Variants in PER2 observed in about 807,000 individuals in gnomAD.
PER2 encodes the protein period circadian regulator 2.
Under a neutral mutation model 121.0 loss-of-function variants are expected in PER2, and 66 were observed. That is an observed-to-expected ratio of 0.55 (90% CI 0.45 to 0.67). The LOEUF is 0.67. Ranked by LOEUF, PER2 falls within the 30% of genes least tolerant of loss-of-function variation. The pLI is 0.00. For missense variants in PER2, 1,521 were observed against 1,635.0 expected (o/e 0.93, Z 1.20); for synonymous variants, 684 against 659.9 (o/e 1.04, Z -0.56).
intron 17 of PER2, 60 bp from the exon 18 acceptor site, chr2:238,255,971 A>C (rs566875500): frequency 8.8e-6 from 14 of 1,590,272 alleles, no homozygotes; most frequent in Non-Finnish European, 1.2e-5. Context: ...TTTTAAGGCC[A>C]CACTATATTC....
rs760049919 is a variant in PER2, at chr2:238,261,778, T to G, written c.1367A>C (p.His456Pro). The G allele has an allele frequency of 1.8e-5, 29 of 1,577,396 alleles. No homozygotes were observed. In the African/African-American group the frequency reaches 3.5e-4, roughly 19 times the overall value. ...AHPCTEEKAL[H>P]PSIQELTEQI... is the part of the protein sequence containing the mutation. ...CTCTGTGAGCTCCTGAATGCTGGGG[T>G]GCAGGGCCTTCTCCTCTGTGCAGGG... Residue 456 changes from histidine to proline, a missense_variant, in exon 12 of 23, where the codon CAC becomes CCC. Transcript: ENST00000254657.
intron 16 of PER2, among the ~76,000 whole-genome samples, 199 bp from the exon 17 acceptor site, chr2:238,257,285 G>T (rs974455347): frequency 2.0e-5 from 3 of 152,226 alleles, no homozygotes; most frequent in Non-Finnish European, 4.4e-5. Flanking sequence ...GTGGAAAAGA[G>T]AAAGTTCTGA....
intron 1 of PER2, among the ~76,000 whole-genome samples, chr2:238,278,560 G>A (rs934465978): frequency 6.6e-6 from 1 of 152,174 alleles, no homozygotes; most frequent in African/African-American, 2.4e-5. Context: ...CCCGGCCTGT[G>A]GGGTGCTGGG....
Position 238,246,355 on chromosome 2 carries a change from G to A in PER2, c.*20C>T, listed in dbSNP as rs372564023. On this transcript the variant is annotated 3_prime_UTR_variant, in exon 23 of 23. Transcript: ENST00000254657. ...CACCTGGTGTACCTCGCTGGCTGCC[G>A]GGCTGAGGTGGGGCAGGGGTTACGT... is the stretch of plus-strand genomic sequence containing the variant. 2.5e-5 allele frequency: 39 copies of A among 1,577,948 alleles called. No individual in the cohort carries two copies. The highest frequency in any genetic ancestry group is 1.4e-4 in the African/African-American group (10 of 73,828).
chr2:238,280,347 G>A (rs930476190), intron 1 of PER2, among the ~76,000 whole-genome samples: 2 of 152,198 alleles, frequency 1.3e-5, no homozygotes, highest in African/African-American at 4.8e-5. Flanking sequence ...CAGCAGGGCC[G>A]ACTAGACCTC....
chr2:238,277,800 T>C lies in PER2; in HGVS notation c.137A>G (p.Asn46Ser). ...CTGCGAGTCCCGCCCCGTGGAGCAG[T>C]TTTCGTTGGTCTCATGTCCACTGGA... ...SGSSGHETNE[N>S]CSTGRDSQGS... The change falls in exon 2 of 23, where the codon AAC becomes AGC. Residue 46 changes from asparagine (N) to serine (S), a missense_variant. By Grantham distance (46) the Asn-to-Ser change is conservative. Coordinates refer to ENST00000254657, the MANE Select transcript of PER2 (RefSeq NM_022817.3). The C allele has an allele frequency of 6.2e-7, 1 of 1,614,158 alleles. No individual in the cohort carries two copies. Among genetic ancestry groups the C allele is most frequent in the Non-Finnish European group, 8.5e-7 (1 of 1,180,006 alleles).
intron 14 of PER2, among the ~76,000 whole-genome samples, chr2:238,259,084 G>A (rs1695848339): frequency 6.6e-6 from 1 of 152,156 alleles, no homozygotes; most frequent in South Asian, 2.1e-4. Context: ...TTCGACTCTT[G>A]CCCCAACGAC....
intron 8 of PER2, among the ~76,000 whole-genome samples, chr2:238,266,125 G>T (rs577235098): frequency 3.3e-5 from 5 of 151,792 alleles, no homozygotes; most frequent in African/African-American, 9.7e-5. Context: ...GGATGGTCTC[G>T]ATCTCCTGAC....
chr2:238,278,397 G>A (rs912411504), intron 1 of PER2, among the ~76,000 whole-genome samples: 2 of 152,136 alleles, frequency 1.3e-5, no homozygotes, highest in Non-Finnish European at 2.9e-5. Flanking sequence ...TCAATCACAC[G>A]CACGTTAGTT....
At chr2:238,288,898 C>T (rs1696880010), upstream of PER2, among the ~76,000 whole-genome samples, 1 of 152,024 alleles carries the variant, frequency 6.6e-6, no homozygotes, top group South Asian at 2.1e-4. Context: ...ACGAACGCCG[C>T]GCGCCCATTG....
chr2:238,270,423 TAA>T (rs71402779), intron 6 of PER2, among the ~76,000 whole-genome samples: 11 of 142,438 alleles, frequency 7.7e-5, no homozygotes, highest in Non-Finnish European at 4.6e-5. Context: ...GAATCTAAAC[TAA>T]AAAAAAAAAA....
chr2:238,273,016 C>G, intron 5 of PER2, 54 bp downstream of exon 5: 1 of 1,590,492 alleles, frequency 6.3e-7, no homozygotes, highest in South Asian at 1.1e-5. Flanking sequence ...GCTAGCTCGC[C>G]TGCAGGAGGA....
rs79066297 is a variant in PER2 at position 238,255,659 on chromosome 2, C to G, written c.2318G>C (p.Arg773Pro). ...CTTTTAATTCGGGTATCACTTACTT[C>G]GTTCACTTGGCTGCCCCTTGGATCT... The part of the protein sequence containing the change: ...QERSKGQPSE[R>P]TAPGLRNTSG... Residue 773 changes from arginine to proline, a missense_variant and splice_region_variant, in exon 18 of 23, where the codon CGA (arginine) becomes CCA (proline). Coordinates refer to ENST00000254657, the MANE Select transcript of PER2 (RefSeq NM_022817.3). The G allele has an allele frequency of 1.2e-6, 2 of 1,614,208 alleles. No homozygotes were observed. The highest frequency in any genetic ancestry group is 1.7e-6 in the Non-Finnish European group (2 of 1,179,994).
intron 18 of PER2, chr2:238,255,236 T>A (rs1695725273): frequency 3.3e-6 from 1 of 304,552 alleles, no homozygotes; most frequent in Admixed American, 4.9e-5. Flanking sequence ...GTGCATCTCC[T>A]GGGGAGAAGG....
intron 6 of PER2, among the ~76,000 whole-genome samples, chr2:238,270,844 G>T (rs1451332589): frequency 6.6e-6 from 1 of 152,228 alleles, no homozygotes. Flanking sequence ...TCTGCCCAGG[G>T]ATCTCACAGT....
In PER2 at chr2:238,258,263, A is replaced by G. The variant is rs767144082; in HGVS notation, c.1900+13T>C. The G allele has an allele frequency of 3.7e-6, 6 of 1,614,110 alleles. No individual in the cohort carries two copies. Among genetic ancestry groups the G allele is most frequent in the Non-Finnish European group, 5.1e-6 (6 of 1,179,944 alleles). On this transcript the variant is annotated intron_variant, in intron 16 of 22. Transcript: ENST00000254657. ...TTATTTCACATGTACATGGCTCTACACAGATTAGATACCTCCAGCGTGTGG... is the reference window on the plus strand; with the variant it reads ...TTATTTCACATGTACATGGCTCTACGCAGATTAGATACCTCCAGCGTGTGG...
At position 238,268,790 on chromosome 2, in the gene PER2, C is replaced by G. The variant is rs911721433; in HGVS notation, c.824+133G>C. ...TTTAAAATGTAACTGACTGTGTTTT[C>G]TGGTAGACTTCAGAAACAGGCGTGC... On this transcript the variant is annotated intron_variant, in intron 7 of 22. Transcript: ENST00000254657. This position sits in a 1 kb window ranked among gnomAD's most constrained non-coding sequence, Gnocchi z 4.0. 2.8e-6 allele frequency: 2 copies of G among 721,952 alleles called. No individual in the cohort carries two copies. The highest frequency in any genetic ancestry group is 5.0e-6 in the Non-Finnish European group (2 of 399,286). 44.7% of individuals were successfully genotyped at this position (721,952 alleles called of 1,614,324 possible).
upstream of PER2, chr2:238,288,754 G>C (rs924866344): frequency 6.6e-6 from 1 of 152,544 alleles, no homozygotes; most frequent in African/African-American, 2.4e-5. Context: ...TATCCCCTCA[G>C]CGCCGCCGCC....
chr2:238,248,701 G>A (rs965824763), intron 22 of PER2, among the ~76,000 whole-genome samples: 2 of 150,842 alleles, frequency 1.3e-5, no homozygotes, highest in Non-Finnish European at 2.9e-5. Flanking sequence ...TGTCGCTCAG[G>A]CTGGAGTGCA....
Sources: allele counts gnomAD v4.1 joint callset (sites outside exome capture counted in the v4.1 genomes callset), GRCh38; gene constraint gnomAD v4.1.1; non-coding constraint Gnocchi (gnomAD v3.1); transcripts MANE v1.5; gene names NCBI Gene and HGNC (gene_info 2026-07-23, HGNC 2026-07-21).